Variants in SPINK13 observed in about 807,000 individuals in gnomAD.
SPINK13 encodes serine protease inhibitor Kazal-type 13.
Under a neutral mutation model 11.0 loss-of-function variants are expected in SPINK13, and 11 were observed. That is an observed-to-expected ratio of 1.00 (90% CI 0.63 to 1.65). The LOEUF is 1.65. Ranked by LOEUF, SPINK13 falls within the 40% of genes most tolerant of loss-of-function variation. SPINK13 has a pLI of 0.00. For synonymous variants in SPINK13, 31 were observed against 35.6 expected, an observed-to-expected ratio of 0.87 and a Z score of 0.46; for missense variants, 113 against 117.7, an observed-to-expected ratio of 0.96 and a Z score of 0.19.
chr5:148,282,269 A>C (rs1415287983), intron 4 of SPINK13, 38 bp downstream of exon 4: 1 of 1,605,602 alleles, frequency 6.2e-7, no homozygotes, highest in Admixed American at 1.7e-5. Flanking sequence ...TTTTCCCTCT[A>C]CTTCTTCACA....
intron 3 of SPINK13, among the ~76,000 whole-genome samples, chr5:148,280,341 T>C (rs1343691796): frequency 1.3e-5 from 2 of 152,192 alleles, no homozygotes; most frequent in Admixed American, 6.5e-5. Context: ...CAAGGAGTTG[T>C]GATCCTTTGG....
intron 1 of SPINK13, chr5:148,269,134 C>G (rs1408153480): frequency 6.6e-6 from 1 of 152,158 alleles, no homozygotes; most frequent in Non-Finnish European, 1.5e-5. Flanking sequence ...AGGAAATGGA[C>G]GGGGAAGGTA....
intron 4 of SPINK13, among the ~76,000 whole-genome samples, chr5:148,285,219 A>G (rs1446781532): frequency 1.3e-5 from 2 of 152,170 alleles, no homozygotes; most frequent in Admixed American, 6.5e-5. Context: ...AGTGGCTCAC[A>G]TCACTTACTT....
At chr5:148,274,900 G>A (rs6887885) in intron 3 of SPINK13, among the ~76,000 whole-genome samples, 27,430 of 152,018 alleles carry the variant, frequency 0.18, 7,095 homozygotes, top group African/African-American at 0.57. Context: ...AGTCAAATAA[G>A]ATATTGAGTA....
chr5:148,280,143 A>G (rs1442989887), intron 3 of SPINK13, among the ~76,000 whole-genome samples: 1 of 152,040 alleles, frequency 6.6e-6, no homozygotes. Context: ...CAAGTCATTT[A>G]TGTTCTTCTC....
At chr5:148,284,583 CTGAA>C (rs1191955435) in intron 4 of SPINK13, among the ~76,000 whole-genome samples, 2 of 151,992 alleles carry the variant, frequency 1.3e-5, no homozygotes, top group African/African-American at 4.8e-5. Context: ...TCCATATGAC[CTGAA>C]TGTATAAACT....
chr5:148,269,303 C>T (rs763380723), intron 1 of SPINK13, among the ~76,000 whole-genome samples: 27 of 152,182 alleles, frequency 1.8e-4, no homozygotes, highest in Non-Finnish European at 2.8e-4. Flanking sequence ...TTCTCAGAGA[C>T]ATTAAACCAA....
At chr5:148,276,661 C>G (rs1756434360) in intron 3 of SPINK13, among the ~76,000 whole-genome samples, 1 of 152,134 alleles carries the variant, frequency 6.6e-6, no homozygotes, top group Non-Finnish European at 1.5e-5. Context: ...GTCTATACAG[C>G]TGTTTTGGTT....
At chr5:148,278,539 T>C (rs6865938) in intron 3 of SPINK13, among the ~76,000 whole-genome samples, 14,715 of 152,240 alleles carry the variant, frequency 0.097, 1,905 homozygotes, top group African/African-American at 0.28. Flanking sequence ...CCAGTAGCCA[T>C]TCAGGAGCAG....
chr5:148,269,406 T>C (rs1242849425), intron 1 of SPINK13, among the ~76,000 whole-genome samples: 1 of 152,178 alleles, frequency 6.6e-6, no homozygotes, highest in African/African-American at 2.4e-5. Context: ...TGTTTTTTTT[T>C]CTGATTCTTG....
intron 2 of SPINK13, among the ~76,000 whole-genome samples, chr5:148,272,009 T>C (rs916498371): frequency 6.6e-6 from 1 of 152,358 alleles, no homozygotes; most frequent in East Asian, 1.9e-4. Context: ...TTGTTTAAAT[T>C]TATAAATATT....
Position 148,270,108 on chromosome 5 carries a change from G to C in SPINK13, c.36G>C (p.Leu12=), listed in dbSNP as rs753644892. The change falls in exon 2 of 5, where the codon CTG becomes CTC. Residue 12 remains leucine, a synonymous_variant. Coordinates refer to ENST00000398450, the MANE Select transcript of SPINK13 (RefSeq NM_001040129.3). The stretch of plus-strand genomic sequence containing the variant: ...TTCCCCACAAGATTATATTTTTCCT[G>C]GTATGCTCTACTTTGACACATGTGG... The part of the protein sequence containing the change: ...AAFPHKIIFF[L]VCSTLTHVAF... 6 of 1,613,884 alleles carry C rather than the reference G, an allele frequency of 3.7e-6. No homozygotes were observed. Among genetic ancestry groups the C allele is most frequent in the Non-Finnish European group, 5.1e-6 (6 of 1,179,956 alleles).
intron 3 of SPINK13, among the ~76,000 whole-genome samples, chr5:148,277,235 G>A (rs1022516939): frequency 5.3e-5 from 8 of 152,180 alleles, no homozygotes; most frequent in African/African-American, 1.9e-4. Flanking sequence ...GAGATAATTT[G>A]ACTTCCTCTT....
chr5:148,285,180 A>G (rs568108198), intron 4 of SPINK13, among the ~76,000 whole-genome samples: 3 of 152,152 alleles, frequency 2.0e-5, no homozygotes, highest in Non-Finnish European at 4.4e-5. Context: ...CCAAACAACC[A>G]TAGTTCTTCC....
chr5:148,277,669 TCA>T (rs528745247), intron 3 of SPINK13, among the ~76,000 whole-genome samples: 60 of 152,350 alleles, frequency 3.9e-4, no homozygotes, highest in Non-Finnish European at 6.2e-4. Flanking sequence ...GCTGCTGGAT[TCA>T]GTTTGCCAGT....
intron 4 of SPINK13, 21 bp from the exon 5 acceptor site, chr5:148,285,979 C>CT: frequency 4.4e-6 from 6 of 1,363,108 alleles, no homozygotes; most frequent in Middle Eastern, 3.7e-4. Flanking sequence ...TACTAATCTT[C>CT]TTTTTTTCTC....
chr5:148,276,924 G>T (rs948651033), intron 3 of SPINK13, among the ~76,000 whole-genome samples: 9 of 152,138 alleles, frequency 5.9e-5, no homozygotes, highest in Admixed American at 3.9e-4. Context: ...GATGTTTTTC[G>T]ATTTGTTTGT....
intron 3 of SPINK13, among the ~76,000 whole-genome samples, chr5:148,280,427 T>C (rs1756495352): frequency 6.6e-6 from 1 of 152,218 alleles, no homozygotes; most frequent in African/African-American, 2.4e-5. Context: ...TGGATTTATC[T>C]ACCTTTGGTC....
chr5:148,272,749 A>T (rs900634012), intron 2 of SPINK13, among the ~76,000 whole-genome samples: 1 of 152,198 alleles, frequency 6.6e-6, no homozygotes, highest in African/African-American at 2.4e-5. Context: ...TAAAAGAAAA[A>T]TATGTTTACA....
Sources: allele counts gnomAD v4.1 joint callset (sites outside exome capture counted in the v4.1 genomes callset), GRCh38; gene constraint gnomAD v4.1.1; transcripts MANE v1.5; gene names NCBI Gene and HGNC (gene_info 2026-07-23, HGNC 2026-07-21).